The following TMTC2 variants were observed in gnomAD, a reference collection of about 807,000 sequenced individuals.
TMTC2 encodes transmembrane O-mannosyltransferase targeting cadherins 2.
In TMTC2, 43 loss-of-function variants were observed where a neutral mutation model predicts 82.4. The ratio of observed to expected loss-of-function variants is 0.52; its 90% CI spans 0.41 to 0.67. TMTC2 has a LOEUF of 0.67. Among genes scored for constraint, TMTC2 ranks in the 30% least tolerant of loss-of-function variants. The pLI, the probability that TMTC2 is intolerant of heterozygous loss-of-function variation, is 0.00. For missense variants in TMTC2, 919 were observed against 1,012.4 expected (o/e 0.91, Z 1.25); for synonymous variants, 408 against 381.9 (o/e 1.07, Z -0.80).
At chr12:83,100,786 A>G (rs1022307698) in intron 11 of TMTC2, among the ~76,000 whole-genome samples, 1 of 152,218 alleles carries the variant, frequency 6.6e-6, no homozygotes, top group Non-Finnish European at 1.5e-5. Context: ...ATTAACAAAT[A>G]CTAAAAAAAC....
chr12:82,735,588 G>A (rs536300231), intron 1 of TMTC2, among the ~76,000 whole-genome samples: 50 of 151,680 alleles, frequency 3.3e-4, no homozygotes, highest in African/African-American at 6.8e-4. Flanking sequence ...CTTGTGATCC[G>A]CCCTCCTTGG....
chr12:82,848,255 C>T (rs1870795839), intron 1 of TMTC2, among the ~76,000 whole-genome samples: 1 of 152,140 alleles, frequency 6.6e-6, no homozygotes, highest in African/African-American at 2.4e-5. Context: ...ACTTGCCATG[C>T]TCTCTCCTGT....
At chr12:83,050,783 G>C (rs1882316772) in intron 9 of TMTC2, 121 bp from the exon 10 acceptor site, 15 of 565,976 alleles carry the variant, frequency 2.7e-5, no homozygotes, top group Non-Finnish European at 4.3e-5. Flanking sequence ...TAAATAATGA[G>C]TATGTTATTA....
intron 4 of TMTC2, among the ~76,000 whole-genome samples, chr12:82,960,057 A>G (rs1877843316): frequency 6.6e-6 from 1 of 152,100 alleles, no homozygotes; most frequent in South Asian, 2.1e-4. Flanking sequence ...CTGCCAACAA[A>G]CATAAAAAAT....
At chr12:83,109,444 C>G (rs1884525827) in intron 11 of TMTC2, among the ~76,000 whole-genome samples, 1 of 152,068 alleles carries the variant, frequency 6.6e-6, no homozygotes, top group Non-Finnish European at 1.5e-5. Flanking sequence ...AGATCCAAAC[C>G]ATATCAACCA....
intron 1 of TMTC2, among the ~76,000 whole-genome samples, chr12:82,722,972 T>C (rs536442156): frequency 6.6e-6 from 1 of 152,324 alleles, no homozygotes; most frequent in South Asian, 2.1e-4. Flanking sequence ...CATTGGGATT[T>C]AACATGTTCC....
intron 1 of TMTC2, among the ~76,000 whole-genome samples, chr12:82,734,694 A>G (rs761813250): frequency 9.2e-5 from 14 of 152,182 alleles, no homozygotes; most frequent in Non-Finnish European, 1.9e-4. Context: ...CCAACTTGAG[A>G]GGTTTAAAAG....
chr12:82,798,898 A>G (rs578183384), intron 1 of TMTC2, among the ~76,000 whole-genome samples: 14 of 152,208 alleles, frequency 9.2e-5, no homozygotes, highest in Non-Finnish European at 2.1e-4. Flanking sequence ...TACATCTGAA[A>G]CAAATCCAAT....
At chr12:82,943,046 G>T (rs1027348003) in intron 4 of TMTC2, among the ~76,000 whole-genome samples, 1 of 152,058 alleles carries the variant, frequency 6.6e-6, no homozygotes, top group Non-Finnish European at 1.5e-5. Context: ...TGGTTGCCTG[G>T]GGTGATTAGT....
intron 3 of TMTC2, among the ~76,000 whole-genome samples, chr12:82,905,326 A>G (rs1045339833): frequency 6.6e-6 from 1 of 152,172 alleles, no homozygotes; most frequent in African/African-American, 2.4e-5. Context: ...GCATTTTAAA[A>G]TTAGGTTATA....
intron 1 of TMTC2, among the ~76,000 whole-genome samples, chr12:82,752,125 T>A (rs1218591866): frequency 6.6e-6 from 1 of 150,976 alleles, no homozygotes; most frequent in East Asian, 2.0e-4. Flanking sequence ...GTCAACTATG[T>A]TTTTATATTT....
At chr12:82,763,191 G>A (rs1592501621) in intron 1 of TMTC2, among the ~76,000 whole-genome samples, 2 of 149,414 alleles carry the variant, frequency 1.3e-5, no homozygotes, top group African/African-American at 2.5e-5. Flanking sequence ...ATAGAAGCTA[G>A]AAAAAAAAAA....
At chr12:83,010,521 C>T (rs1796194) in intron 8 of TMTC2, among the ~76,000 whole-genome samples, 118,781 of 151,776 alleles carry the variant, frequency 0.78, 47,521 homozygotes, top group South Asian at 0.93. Context: ...GCTATATAAA[C>T]ACCTGATTTT....
At chr12:82,755,659 T>C (rs541530714) in intron 1 of TMTC2, among the ~76,000 whole-genome samples, 1 of 152,286 alleles carries the variant, frequency 6.6e-6, no homozygotes, top group African/African-American at 2.4e-5. Flanking sequence ...CTAGTCTGAA[T>C]ACCTGATCAG....
At chr12:83,050,695 A>G (rs1882313860) in intron 9 of TMTC2, among the ~76,000 whole-genome samples, 1 of 151,694 alleles carries the variant, frequency 6.6e-6, no homozygotes, top group Non-Finnish European at 1.5e-5. Context: ...TTTCTTTTTA[A>G]GAAAAAAAAA....
intron 1 of TMTC2, among the ~76,000 whole-genome samples, chr12:82,838,295 C>G (rs1232006381): frequency 6.6e-6 from 1 of 152,162 alleles, no homozygotes; most frequent in Admixed American, 6.5e-5. Flanking sequence ...ATTTCCCTCC[C>G]TCAAAATGAC....
In TMTC2 at chr12:82,938,570, C is replaced by T. The variant is rs188434902; in HGVS notation, c.1598+8025C>T. On this transcript the variant is annotated intron_variant, in intron 4 of 11. Coordinates refer to ENST00000321196, the MANE Select transcript of TMTC2 (RefSeq NM_152588.3). The stretch of plus-strand genomic sequence containing the variant: ...GAAGTGTTGGGCATGTCTGACAGAG[C>T]AAATGAGACTGAGAGATTTTGTTAT... Among the ~76,000 whole-genome samples, 15 of 152,058 alleles carry T rather than the reference C, an allele frequency of 9.9e-5. No individual in the cohort carries two copies. The East Asian group carries it at 1.9e-3, about 20-fold the overall frequency.
chr12:82,714,483 T>G (rs1388843760), intron 1 of TMTC2, among the ~76,000 whole-genome samples: 4 of 152,192 alleles, frequency 2.6e-5, no homozygotes, highest in Non-Finnish European at 5.9e-5. Flanking sequence ...TTATTTTCCT[T>G]TTTAAAAAAC....
chr12:83,072,284 GT>G (rs1883145930), intron 11 of TMTC2, among the ~76,000 whole-genome samples: 1 of 152,126 alleles, frequency 6.6e-6, no homozygotes, highest in African/African-American at 2.4e-5. Flanking sequence ...TCAGGAGCAA[GT>G]TTTTAATTTC....
Sources: gnomAD v4.1 joint callset for allele counts (sites outside exome capture counted in the v4.1 genomes callset) on GRCh38, gnomAD v4.1.1 for gene constraint, MANE v1.5 for transcripts, NCBI Gene and HGNC (gene_info 2026-07-23, HGNC 2026-07-21) for gene names.